Variants in VAV2 observed in about 807,000 individuals in gnomAD.
The protein encoded by VAV2 is guanine nucleotide exchange factor VAV2.
Under a neutral mutation model 132.5 loss-of-function variants are expected in VAV2, and 67 were observed. That is an observed-to-expected ratio of 0.51 (90% CI 0.42 to 0.62). The LOEUF is 0.62. Ranked by LOEUF, VAV2 falls within the 20% of genes least tolerant of loss-of-function variation. The pLI is 0.00. For synonymous variants in VAV2, 492 were observed against 443.5 expected (o/e 1.11, Z -1.37); for missense variants, 938 against 1,153.6 (o/e 0.81, Z 2.71).
intron 3 of VAV2, among the ~76,000 whole-genome samples, chr9:133,860,340 T>A (rs1245433020): frequency 2.6e-5 from 4 of 152,050 alleles, no homozygotes; most frequent in African/African-American, 4.8e-5. Context: ...TCACATTTTT[T>A]AAAAACCTCA....
At chr9:133,958,804 C>T (rs180727984) in intron 1 of VAV2, among the ~76,000 whole-genome samples, 1 of 152,240 alleles carries the variant, frequency 6.6e-6, no homozygotes, top group African/African-American at 2.4e-5. Context: ...TCCATTCATC[C>T]TTCATTCATT....
At chr9:133,850,929 C>CGTGTG (rs1837143506) in intron 3 of VAV2, among the ~76,000 whole-genome samples, 13 of 152,350 alleles carry the variant, frequency 8.5e-5, no homozygotes, top group African/African-American at 2.9e-4. Flanking sequence ...GATGTCCTCC[C>CGTGTG]CCATCATGGT....
intron 1 of VAV2, among the ~76,000 whole-genome samples, chr9:133,947,172 G>A (rs1044877690): frequency 6.6e-6 from 1 of 152,152 alleles, no homozygotes; most frequent in Non-Finnish European, 1.5e-5. Context: ...TGGCAACCTC[G>A]CTTCCAGAAG....
At chr9:133,887,107 G>T (rs926959676) in intron 2 of VAV2, among the ~76,000 whole-genome samples, 10 of 152,158 alleles carry the variant, frequency 6.6e-5, no homozygotes, top group Non-Finnish European at 1.3e-4. Flanking sequence ...CAGACAGCAG[G>T]CCCCACGCAG....
At position 133,802,170 on chromosome 9, in the gene VAV2, G is replaced by C. The variant is rs552662447; in HGVS notation, c.836+3911C>G. On this transcript the variant is annotated intron_variant, in intron 9 of 29. Coordinates refer to ENST00000371850, the MANE Select transcript of VAV2 (RefSeq NM_001134398.2). This position sits in a 1 kb window ranked among gnomAD's most constrained non-coding sequence, Gnocchi z 5.8. ...AGTGACTCCAAGCCTATTGGAGGAA[G>C]TCAGTTAAGGAGGCAAAAGTTTACA... 3.9e-4 allele frequency among the ~76,000 whole-genome samples: 60 copies of C among 152,274 alleles called. No homozygotes were observed. Among genetic ancestry groups the C allele is most frequent in the African/African-American group, 1.4e-3 (59 of 41,552 alleles).
intron 1 of VAV2, among the ~76,000 whole-genome samples, chr9:133,940,690 T>TGTGCGTGTGC (rs1564484085): frequency 1.3e-5 from 2 of 151,526 alleles, no homozygotes; most frequent in African/African-American, 4.9e-5. Context: ...TGTGTGTGTG[T>TGTGCGTGTGC]GTGTGTGTGT....
chr9:133,856,734 G>A (rs1837398856), intron 3 of VAV2, among the ~76,000 whole-genome samples: 3 of 152,176 alleles, frequency 2.0e-5, no homozygotes, highest in Non-Finnish European at 4.4e-5. Flanking sequence ...GGGAGAATTT[G>A]TCCCTTACCT....
chr9:133,878,737 G>A (rs868715048), intron 2 of VAV2, among the ~76,000 whole-genome samples: 18 of 152,284 alleles, frequency 1.2e-4, no homozygotes, highest in South Asian at 1.0e-3. Flanking sequence ...CAGTGGCCAC[G>A]TCCCCGCCAC....
At chr9:133,767,401 T>C (rs143903711) in intron 29 of VAV2, among the ~76,000 whole-genome samples, 220 of 152,306 alleles carry the variant, frequency 1.4e-3, no homozygotes, top group African/African-American at 4.1e-3. Context: ...CAGGGTCAAA[T>C]TGACAGGAAT....
chr9:133,773,011 C>G (rs55786024), intron 25 of VAV2, among the ~76,000 whole-genome samples: 1 of 125,690 alleles, frequency 8.0e-6, no homozygotes, highest in Non-Finnish European at 1.8e-5. Context: ...ACACCCCACA[C>G]CTAGGCTGGA....
chr9:133,796,859 G>C (rs1306718762), intron 10 of VAV2, among the ~76,000 whole-genome samples: 5 of 152,220 alleles, frequency 3.3e-5, no homozygotes, highest in Non-Finnish European at 7.3e-5. Flanking sequence ...CTTTGGAGAA[G>C]GTCCTTTGGA....
intron 1 of VAV2, among the ~76,000 whole-genome samples, chr9:133,977,237 A>G (rs577934683): frequency 6.6e-6 from 1 of 152,338 alleles, no homozygotes; most frequent in Admixed American, 6.5e-5. Flanking sequence ...CCTGGTGTCC[A>G]TTTGAGGAGC....
rs773995312 is a variant in VAV2 at position 133,771,959 on chromosome 9, C to T, written c.2223G>A (p.Leu741=). Residue 741 remains leucine, a splice_region_variant and synonymous_variant, in exon 26 of 30, where the codon CTG becomes CTA. Transcript: ENST00000371850. ...CCGGCCGGAGCCAGAAGTCACCTAC[C>T]AGGAGGCTGTCGAATTTCTTGGCCT... The part of the protein sequence containing the change: ...ITEAKKFDSL[L]ELVEYYQCHS... 16 of 1,586,908 alleles carry T rather than the reference C, an allele frequency of 1.0e-5. No homozygotes were observed. Among genetic ancestry groups the T allele is most frequent in the Middle Eastern group, 3.4e-4 (2 of 5,942 alleles).
chr9:133,770,936 CATT>C (rs1454078464), intron 26 of VAV2, among the ~76,000 whole-genome samples: 1 of 151,940 alleles, frequency 6.6e-6, no homozygotes, highest in Non-Finnish European at 1.5e-5. Context: ...GCATTGCCAG[CATT>C]ATTATTTATA....
At chr9:133,790,667 A>G (rs1342846340) in intron 13 of VAV2, among the ~76,000 whole-genome samples, 2 of 152,168 alleles carry the variant, frequency 1.3e-5, no homozygotes, top group African/African-American at 4.8e-5. Flanking sequence ...CTCTGCACCC[A>G]CACATTTTAA....
At position 133,768,615 on chromosome 9, in the gene VAV2, A is replaced by C. The variant is rs375977080; in HGVS notation, c.2435-19T>G. 6.2e-7 allele frequency: 1 copy of C among 1,610,054 alleles called. No homozygotes were observed. Among genetic ancestry groups the C allele is most frequent in the Non-Finnish European group, 8.5e-7 (1 of 1,178,190 alleles). ...GTGAACACTGTTGAGGGAGATGGGCAGCATCACACAGCTGCAGGAGGAGCC... is the reference window on the plus strand; with the variant it reads ...GTGAACACTGTTGAGGGAGATGGGCCGCATCACACAGCTGCAGGAGGAGCC... On this transcript the variant is annotated intron_variant, in intron 28 of 29. Coordinates refer to ENST00000371850, the MANE Select transcript of VAV2 (RefSeq NM_001134398.2). The surrounding 1 kb of genome is among the most constrained non-coding windows in gnomAD (Gnocchi z 5.3).
chr9:133,820,075 C>T (rs1002733573), intron 4 of VAV2, among the ~76,000 whole-genome samples: 3 of 152,198 alleles, frequency 2.0e-5, no homozygotes, highest in African/African-American at 7.2e-5. Context: ...GGACAATGGC[C>T]ATCTGTCCCA....
At chr9:133,984,896 A>G (rs1216997784) in intron 1 of VAV2, among the ~76,000 whole-genome samples, 1 of 146,912 alleles carries the variant, frequency 6.8e-6, no homozygotes, top group Non-Finnish European at 1.5e-5. Flanking sequence ...GGACAGAGGG[A>G]GGCCCTATCT....
chr9:133,772,313 G>T (rs990887483), intron 25 of VAV2, among the ~76,000 whole-genome samples: 5 of 152,196 alleles, frequency 3.3e-5, no homozygotes, highest in African/African-American at 9.7e-5. Flanking sequence ...CTCTAGCCCT[G>T]CTGAGGCCTC....
Sources: gnomAD v4.1 joint callset for allele counts (sites outside exome capture counted in the v4.1 genomes callset) on GRCh38, gnomAD v4.1.1 for gene constraint, Gnocchi (gnomAD v3.1) non-coding constraint, MANE v1.5 for transcripts, NCBI Gene and HGNC (gene_info 2026-07-23, HGNC 2026-07-21) for gene names.